Variants in PRKG1 observed in about 807,000 individuals in gnomAD.
The protein encoded by PRKG1 is protein kinase cGMP-dependent 1.
In PRKG1, 35 loss-of-function variants were observed where a neutral mutation model predicts 88.1. That is an observed-to-expected ratio of 0.40 (90% CI 0.30 to 0.53). The LOEUF (loss-of-function observed/expected upper bound fraction) is 0.53, where lower values mean the gene tolerates loss of function less well. PRKG1 is among the 20% of genes least tolerant of loss of function. PRKG1 has a pLI of 0.59. For missense variants in PRKG1, 540 were observed against 839.8 expected (o/e 0.64, Z 4.41); for synonymous variants, 303 against 292.5 (o/e 1.04, Z -0.37).
intron 5 of PRKG1, among the ~76,000 whole-genome samples, chr10:51,975,513 G>T (rs1287994110): frequency 6.6e-6 from 1 of 152,060 alleles, no homozygotes; most frequent in Admixed American, 6.6e-5. Flanking sequence ...ACCTTATCTA[G>T]AATTTGGGAT....
chr10:52,278,133 C>G (rs1046089275), intron 12 of PRKG1, among the ~76,000 whole-genome samples: 4 of 152,054 alleles, frequency 2.6e-5, no homozygotes, highest in Non-Finnish European at 5.9e-5. Context: ...AAACAGACAA[C>G]CCTATCAAAA....
chr10:52,180,751 AG>A (rs1839000517), intron 9 of PRKG1, among the ~76,000 whole-genome samples: 4 of 152,270 alleles, frequency 2.6e-5, no homozygotes, highest in Admixed American at 2.6e-4. Flanking sequence ...TTCTCAGGTT[AG>A]GAGCATGTAC....
intron 4 of PRKG1, among the ~76,000 whole-genome samples, chr10:51,855,575 T>C (rs1210840708): frequency 6.6e-6 from 1 of 152,178 alleles, no homozygotes; most frequent in Admixed American, 6.5e-5. Flanking sequence ...AAGCATGAAA[T>C]TGAATTTGCT....
At chr10:52,025,530 C>T (rs1845312820) in intron 5 of PRKG1, among the ~76,000 whole-genome samples, 1 of 152,106 alleles carries the variant, frequency 6.6e-6, no homozygotes, top group African/African-American at 2.4e-5. Context: ...GATCCAGTTT[C>T]AGCTTTCTCC....
intron 2 of PRKG1, among the ~76,000 whole-genome samples, chr10:51,431,290 A>G (rs1838763617): frequency 6.6e-6 from 1 of 152,148 alleles, no homozygotes; most frequent in African/African-American, 2.4e-5. Flanking sequence ...TACATTTTCC[A>G]AGAGAAAGAG....
intron 3 of PRKG1, among the ~76,000 whole-genome samples, chr10:51,501,904 C>G (rs867421745): frequency 2.0e-5 from 3 of 148,042 alleles, no homozygotes; most frequent in Middle Eastern, 3.5e-3. Context: ...AACTGCTGAT[C>G]GTGATAAGAA....
chr10:51,621,657 C>T lies in PRKG1; in HGVS notation c.592+153821C>T, dbSNP rs180724867. Among the ~76,000 whole-genome samples the T allele has an allele frequency of 1.6e-3, 241 of 152,214 alleles. 1 individual carries two copies. The highest frequency in any genetic ancestry group is 4.7e-3 in the African/African-American group (194 of 41,524). ...TCTATCTCTCTTTTAAATTAACAAACGCAGATATTGTTACCTGTATTCTAT... is the reference window on the plus strand; with the variant it reads ...TCTATCTCTCTTTTAAATTAACAAATGCAGATATTGTTACCTGTATTCTAT... On this transcript the variant is annotated intron_variant, in intron 3 of 17. Coordinates refer to ENST00000373980, the MANE Select transcript of PRKG1 (RefSeq NM_006258.4).
intron 2 of PRKG1, among the ~76,000 whole-genome samples, chr10:51,439,273 C>A (rs1004345706): frequency 6.6e-6 from 1 of 151,724 alleles, no homozygotes; most frequent in African/African-American, 2.4e-5. Context: ...GGCTTAATGT[C>A]TTCATCAGAT....
At chr10:51,883,375 C>G (rs1841483799) in intron 4 of PRKG1, among the ~76,000 whole-genome samples, 1 of 152,148 alleles carries the variant, frequency 6.6e-6, no homozygotes, top group Non-Finnish European at 1.5e-5. Context: ...TCTGTATAGA[C>G]AAATATAGAT....
intron 2 of PRKG1, among the ~76,000 whole-genome samples, chr10:51,432,035 T>C (rs1189185236): frequency 6.6e-6 from 1 of 152,160 alleles, no homozygotes; most frequent in Non-Finnish European, 1.5e-5. Context: ...CAGTAATGGA[T>C]TTAATAGAGC....
chr10:50,992,539 C>T (rs1204762979), intron 1 of PRKG1, among the ~76,000 whole-genome samples: 2 of 152,040 alleles, frequency 1.3e-5, no homozygotes, highest in Admixed American at 6.5e-5. Context: ...ATGAAGAAGG[C>T]GGAGGGGTGA....
chr10:51,946,608 T>C (rs1843041332), intron 5 of PRKG1, among the ~76,000 whole-genome samples: 1 of 152,054 alleles, frequency 6.6e-6, no homozygotes, highest in South Asian at 2.1e-4. Flanking sequence ...CTTTTGGTCT[T>C]TGATGATGGT....
chr10:51,402,198 A>G (rs1312042725), intron 2 of PRKG1, among the ~76,000 whole-genome samples: 1 of 152,240 alleles, frequency 6.6e-6, no homozygotes, highest in Non-Finnish European at 1.5e-5. Flanking sequence ...ATGAATGTGT[A>G]CAGGGATCCA....
At chr10:51,439,693 T>C (rs370915523) in intron 2 of PRKG1, among the ~76,000 whole-genome samples, 1 of 151,936 alleles carries the variant, frequency 6.6e-6, no homozygotes, top group East Asian at 1.9e-4. Flanking sequence ...AATATGAATA[T>C]CCACTAGCAG....
intron 3 of PRKG1, among the ~76,000 whole-genome samples, chr10:51,489,766 G>A (rs1400442545): frequency 2.0e-5 from 3 of 152,032 alleles, no homozygotes; most frequent in African/African-American, 7.2e-5. Context: ...GAACAAAATT[G>A]GATGATGCTT....
At chr10:52,172,987 G>T (rs1320490218) in intron 9 of PRKG1, among the ~76,000 whole-genome samples, 2 of 152,190 alleles carry the variant, frequency 1.3e-5, no homozygotes, top group African/African-American at 4.8e-5. Flanking sequence ...AGGCTTCTAA[G>T]ATGCTTAGAA....
At chr10:51,512,929 A>G (rs1177056126) in intron 3 of PRKG1, among the ~76,000 whole-genome samples, 3 of 130,576 alleles carry the variant, frequency 2.3e-5, no homozygotes, top group Non-Finnish European at 4.8e-5. Context: ...TTTGATTTGC[A>G]TTTCTCTGAT....
intron 2 of PRKG1, among the ~76,000 whole-genome samples, chr10:51,342,926 C>G (rs1842033487): frequency 6.6e-6 from 1 of 152,114 alleles, no homozygotes; most frequent in African/African-American, 2.4e-5. Context: ...AGGGGTTCAT[C>G]CATGAGAAAT....
chr10:51,356,807 C>A (rs1021379461), intron 2 of PRKG1, among the ~76,000 whole-genome samples: 1 of 151,978 alleles, frequency 6.6e-6, no homozygotes, highest in Non-Finnish European at 1.5e-5. Context: ...TCTAGCCAGC[C>A]ATGGGCAATT....
Sources: gnomAD v4.1 joint callset for allele counts (sites outside exome capture counted in the v4.1 genomes callset) on GRCh38, gnomAD v4.1.1 for gene constraint, MANE v1.5 for transcripts, NCBI Gene and HGNC (gene_info 2026-07-23, HGNC 2026-07-21) for gene names.